Variants in SIPA1L1 observed in about 807,000 individuals in gnomAD.
The protein encoded by SIPA1L1 is signal-induced proliferation-associated 1-like protein 1.
A neutral mutation model predicts 162.7 loss-of-function variants in SIPA1L1; 26 were observed. The ratio of observed to expected loss-of-function variants is 0.16; its 90% CI spans 0.12 to 0.22. The LOEUF (loss-of-function observed/expected upper bound fraction) is 0.22. Among genes scored for constraint, SIPA1L1 ranks in the 10% least tolerant of loss-of-function variants. The pLI, the probability that SIPA1L1 is intolerant of heterozygous loss-of-function variation, is 1.00. For synonymous variants in SIPA1L1, 829 were observed against 837.4 expected, an observed-to-expected ratio of 0.99 and a Z score of 0.17; for missense variants, 1,874 against 2,241.0, an observed-to-expected ratio of 0.84 and a Z score of 3.31.
At chr14:71,669,211 A>T (rs970191834) in intron 10 of SIPA1L1, among the ~76,000 whole-genome samples, 1 of 152,156 alleles carries the variant, frequency 6.6e-6, no homozygotes, top group African/African-American at 2.4e-5. Context: ...TATGGTAAGG[A>T]TTCAGTTCTT....
chr14:71,531,184 G>C (rs747807621), intron 4 of SIPA1L1, among the ~76,000 whole-genome samples: 5 of 152,156 alleles, frequency 3.3e-5, no homozygotes, highest in Non-Finnish European at 5.9e-5. Context: ...GGTTTTCAGA[G>C]TGTGTTGGTT....
At chr14:71,700,957 T>C (rs1355869545) in intron 14 of SIPA1L1, among the ~76,000 whole-genome samples, 1 of 117,360 alleles carries the variant, frequency 8.5e-6, no homozygotes, top group Non-Finnish European at 1.6e-5. Context: ...ATTGCGCCAC[T>C]GCACTCCAGC....
intron 2 of SIPA1L1, among the ~76,000 whole-genome samples, chr14:71,484,385 C>G (rs767583642): frequency 2.0e-5 from 3 of 150,994 alleles, no homozygotes; most frequent in African/African-American, 4.9e-5. Flanking sequence ...TATTTAAAAC[C>G]CTTTAAGTAA....
intron 4 of SIPA1L1, among the ~76,000 whole-genome samples, chr14:71,558,443 A>G (rs1179645827): frequency 6.6e-6 from 1 of 152,104 alleles, no homozygotes; most frequent in Non-Finnish European, 1.5e-5. Flanking sequence ...GACAGTGGAG[A>G]GCTCCATCAT....
At chr14:71,608,945 A>G (rs2037857714) in intron 5 of SIPA1L1, among the ~76,000 whole-genome samples, 1 of 152,194 alleles carries the variant, frequency 6.6e-6, no homozygotes, top group South Asian at 2.1e-4. Flanking sequence ...TAAAAGTTAT[A>G]TATGTATATC....
chr14:71,620,085 T>G (rs1320537861), intron 6 of SIPA1L1, among the ~76,000 whole-genome samples: 4 of 152,224 alleles, frequency 2.6e-5, no homozygotes, highest in African/African-American at 9.6e-5. Context: ...GTTTGTTTGT[T>G]TTTGAGACAG....
intron 12 of SIPA1L1, among the ~76,000 whole-genome samples, chr14:71,675,209 G>A (rs1020509685): frequency 6.6e-6 from 1 of 152,210 alleles, no homozygotes; most frequent in Non-Finnish European, 1.5e-5. Context: ...CTGTCACACC[G>A]CTGTGACGCT....
At chr14:71,723,998 G>A in intron 18 of SIPA1L1, 112 bp downstream of exon 18, 1 of 1,251,376 alleles carries the variant, frequency 8.0e-7, no homozygotes, top group East Asian at 2.5e-5. Flanking sequence ...GGGTTGGCAG[G>A]AGTTGGTCTG....
At chr14:71,491,761 A>AACACACACAC (rs59275638) in intron 2 of SIPA1L1, among the ~76,000 whole-genome samples, 3,146 of 97,796 alleles carry the variant, frequency 0.032, 75 homozygotes, top group East Asian at 0.052. Flanking sequence ...TTTTATTTCA[A>AACACACACAC]ACACACACAC....
At chr14:71,724,509 G>A (rs55894639) in intron 18 of SIPA1L1, among the ~76,000 whole-genome samples, 161 bp from the exon 19 acceptor site, 5 of 152,190 alleles carry the variant, frequency 3.3e-5, no homozygotes, top group South Asian at 4.1e-4. Flanking sequence ...TTCAGTAAGC[G>A]TTTATATGAG....
chr14:71,481,425 A>G (rs994489921), intron 2 of SIPA1L1, among the ~76,000 whole-genome samples: 3 of 152,144 alleles, frequency 2.0e-5, no homozygotes, highest in Non-Finnish European at 4.4e-5. Context: ...GTTGCAGTGA[A>G]CTGAGATGGC....
intron 8 of SIPA1L1, among the ~76,000 whole-genome samples, chr14:71,651,855 A>G (rs1264704279): frequency 1.3e-5 from 2 of 152,244 alleles, no homozygotes; most frequent in Admixed American, 1.3e-4. Context: ...CAAAATAAGC[A>G]CTTTGTGCAC....
rs2082715705 is a variant in SIPA1L1, at chr14:71,709,583, A to G, written c.4127A>G (p.His1376Arg). 6.2e-7 allele frequency: 1 copy of G among 1,614,172 alleles called. No homozygotes were observed. ...KTESSLSLDIHSKSQAGSTPL... is the reference protein window; with the variant it reads ...KTESSLSLDIRSKSQAGSTPL... ...GAGTCTTCCCTGAGCTTAGACATAC[A>G]CAGCAAGAGCCAAGCCGGCTCGACC... The change falls in exon 17 of 24, where the codon CAC becomes CGC. Residue 1376 changes from histidine (H) to arginine (R), a missense_variant. This residue lies in a region of SIPA1L1 where 936 missense variants were observed against 1,051.9 expected (regional missense o/e 0.89). Transcript: ENST00000381232.
chr14:71,416,747 ACACACGCATG>A (rs1228181227), intron 2 of SIPA1L1, among the ~76,000 whole-genome samples: 12 of 151,188 alleles, frequency 7.9e-5, no homozygotes, highest in African/African-American at 2.7e-4. Context: ...ACACACACAC[ACACACGCATG>A]CACACACACA....
intron 4 of SIPA1L1, among the ~76,000 whole-genome samples, chr14:71,539,710 G>T (rs1050989838): frequency 1.3e-5 from 2 of 152,062 alleles, no homozygotes; most frequent in African/African-American, 4.8e-5. Context: ...TTAACTCATT[G>T]CCCTCAGGCT....
At chr14:71,423,362 A>G (rs532730285) in intron 2 of SIPA1L1, among the ~76,000 whole-genome samples, 11 of 152,136 alleles carry the variant, frequency 7.2e-5, no homozygotes, top group African/African-American at 2.2e-4. Flanking sequence ...TAATTTTGTT[A>G]TATATGCCTT....
At chr14:71,505,984 C>T (rs560076293) in intron 2 of SIPA1L1, among the ~76,000 whole-genome samples, 9 of 147,920 alleles carry the variant, frequency 6.1e-5, no homozygotes, top group African/African-American at 2.0e-4. Context: ...AAAAAAATCC[C>T]CACGAAAACG....
At chr14:71,677,613 C>T (rs1386778583) in intron 12 of SIPA1L1, among the ~76,000 whole-genome samples, 1 of 152,180 alleles carries the variant, frequency 6.6e-6, no homozygotes, top group Admixed American at 6.5e-5. Context: ...TTGGGTCTAA[C>T]ATTTAGGTCT....
At chr14:71,736,900 T>G (rs966461538) in intron 22 of SIPA1L1, among the ~76,000 whole-genome samples, 3 of 152,246 alleles carry the variant, frequency 2.0e-5, no homozygotes, top group Admixed American at 1.3e-4. Context: ...GCAGTCCTGA[T>G]GAGCTGCAGT....
Sources: gnomAD v4.1 joint callset for allele counts (sites outside exome capture counted in the v4.1 genomes callset) on GRCh38, gnomAD v4.1.1 for gene constraint, gnomAD v4.1.1 regional missense constraint, MANE v1.5 for transcripts, NCBI Gene and HGNC (gene_info 2026-07-23, HGNC 2026-07-21) for gene names.